EIF4ENIF1: variants seen among roughly 807,000 people sequenced by gnomAD.
EIF4ENIF1 encodes eukaryotic translation initiation factor 4E nuclear import factor 1.
Under a neutral mutation model 110.5 loss-of-function variants are expected in EIF4ENIF1, and 23 were observed. The ratio of observed to expected loss-of-function variants is 0.21; its 90% confidence interval spans 0.15 to 0.29. The LOEUF is 0.29. EIF4ENIF1 is among the 10% of genes least tolerant of loss of function. The pLI, the probability that EIF4ENIF1 is intolerant of heterozygous loss-of-function variation, is 1.00. For synonymous variants in EIF4ENIF1, 440 were observed against 437.0 expected (o/e 1.01, Z -0.09); for missense variants, 1,031 against 1,221.1 (o/e 0.84, Z 2.32).
At chr22:31,462,631 G>A (rs1271869484) in intron 6 of EIF4ENIF1, among the ~76,000 whole-genome samples, 1 of 152,122 alleles carries the variant, frequency 6.6e-6, no homozygotes, top group Non-Finnish European at 1.5e-5. Flanking sequence ...CTGTCACCCA[G>A]GCTGGAGTGC....
In EIF4ENIF1 at chr22:31,442,021, G is replaced by A; in HGVS notation, c.2304C>T (p.Ser768=). 1.9e-6 allele frequency: 3 copies of A among 1,614,170 alleles called. No individual in the cohort carries two copies. ...AACGGTTGGCCTGGGACAGTGGGGT[G>A]GAACACGAAGACCTCTGTAATGCTG... ...KLSALQRSSC[S]TPLSQANRYT... Residue 768 remains serine (S), a synonymous_variant, in exon 17 of 19, where the codon TCC becomes TCT. Coordinates refer to ENST00000330125, the MANE Select transcript of EIF4ENIF1 (RefSeq NM_019843.4).
intron 17 of EIF4ENIF1, among the ~76,000 whole-genome samples, chr22:31,441,405 C>T (rs564793664): frequency 8.7e-5 from 13 of 150,124 alleles, no homozygotes; most frequent in East Asian, 2.0e-4. Context: ...CCGGGTGTGG[C>T]GGCGTGCACC....
intron 7 of EIF4ENIF1, among the ~76,000 whole-genome samples, chr22:31,456,493 G>A (rs1181817849): frequency 1.3e-5 from 2 of 151,542 alleles, no homozygotes; most frequent in Non-Finnish European, 2.9e-5. Context: ...AAAGTGCTGG[G>A]ATTACAAGCA....
intron 2 of EIF4ENIF1, among the ~76,000 whole-genome samples, chr22:31,481,114 C>T (rs1214594703): frequency 1.3e-5 from 2 of 152,176 alleles, no homozygotes; most frequent in Non-Finnish European, 1.5e-5. Context: ...CCTGCTCTAA[C>T]AACTTCCAGT....
At chr22:31,489,493 G>T (rs866099132) in intron 1 of EIF4ENIF1, 1 of 148,854 alleles carries the variant, frequency 6.7e-6, no homozygotes, top group Non-Finnish European at 1.5e-5. Flanking sequence ...CCGGCCCGGC[G>T]GCTCGGTCCC....
intron 7 of EIF4ENIF1, 59 bp from the exon 8 acceptor site, chr22:31,456,046 A>G: frequency 6.4e-7 from 1 of 1,563,804 alleles, no homozygotes. Context: ...AAGAAGGTTT[A>G]AATCTTATGA....
chr22:31,491,073 G>A (rs750924619), upstream of EIF4ENIF1, among the ~76,000 whole-genome samples: 1 of 152,126 alleles, frequency 6.6e-6, no homozygotes, highest in African/African-American at 2.4e-5. Flanking sequence ...CATCAGGCCT[G>A]AGTTTGCATT....
chr22:31,489,568 G>C (rs1348202975), intron 1 of EIF4ENIF1, 126 bp downstream of exon 1: 2 of 138,234 alleles, frequency 1.4e-5, no homozygotes, highest in African/African-American at 5.5e-5. Flanking sequence ...CCCACCCCCT[G>C]CGGGCGCCCC....
At chr22:31,491,790 G>C (rs1444741156), upstream of EIF4ENIF1, among the ~76,000 whole-genome samples, 1 of 152,074 alleles carries the variant, frequency 6.6e-6, no homozygotes, top group Non-Finnish European at 1.5e-5. Flanking sequence ...TGATCCTCCT[G>C]CCTCAGCCTC....
chr22:31,490,165 G>A (rs2052217357), upstream of EIF4ENIF1, among the ~76,000 whole-genome samples: 1 of 152,234 alleles, frequency 6.6e-6, no homozygotes, highest in Non-Finnish European at 1.5e-5. Context: ...AGAGCGGACG[G>A]CACTTGGGAC....
At position 31,459,947 on chromosome 22, in the gene EIF4ENIF1, C is replaced by T. The variant is rs1830335230; in HGVS notation, c.788-1297G>A. ...TACCAATCTATCTCACTCCTGACTC[C>T]TGCACTTGATACAAGAATGGTTGAA... On this transcript the variant is annotated intron_variant, in intron 6 of 18. Transcript: ENST00000330125. Among the ~76,000 whole-genome samples the T allele has an allele frequency of 2.0e-5, 3 of 152,130 alleles. 1 individual carries two copies. The highest frequency in any genetic ancestry group is 2.0e-4 in the Admixed American group (3 of 15,270).
intron 6 of EIF4ENIF1, among the ~76,000 whole-genome samples, chr22:31,459,649 T>C (rs910615454): frequency 1.3e-5 from 2 of 152,234 alleles, no homozygotes; most frequent in Non-Finnish European, 2.9e-5. Context: ...TCTTACTCTG[T>C]AGTGCCAGGT....
At chr22:31,465,452 GA>G (rs1356113292) in intron 4 of EIF4ENIF1, among the ~76,000 whole-genome samples, 1 of 152,096 alleles carries the variant, frequency 6.6e-6, no homozygotes, top group African/African-American at 2.4e-5. Context: ...AGTCATTAGG[GA>G]AATGCAAATT....
At chr22:31,473,216 T>C (rs932994570) in intron 2 of EIF4ENIF1, among the ~76,000 whole-genome samples, 1 of 152,184 alleles carries the variant, frequency 6.6e-6, no homozygotes, top group African/African-American at 2.4e-5. Context: ...GAAAATGACC[T>C]GAGTGAACTA....
intron 2 of EIF4ENIF1, among the ~76,000 whole-genome samples, chr22:31,473,593 A>G (rs2051466216): frequency 6.6e-6 from 1 of 152,178 alleles, no homozygotes; most frequent in Non-Finnish European, 1.5e-5. Context: ...CTGTAAAAGA[A>G]CATTATTCAT....
chr22:31,438,991 A>G (rs2050215828), downstream of EIF4ENIF1, among the ~76,000 whole-genome samples: 1 of 152,192 alleles, frequency 6.6e-6, no homozygotes, highest in Non-Finnish European at 1.5e-5. Context: ...GAGTGCTGAG[A>G]TTACAGGCGT....
chr22:31,456,070 T>C (rs2050801905), intron 7 of EIF4ENIF1, 83 bp from the exon 8 acceptor site: 1 of 1,418,502 alleles, frequency 7.0e-7, no homozygotes, highest in African/African-American at 1.4e-5. Flanking sequence ...GGTCACTTAC[T>C]TTGAAACTTC....
At chr22:31,487,900 A>G (rs957857165) in intron 2 of EIF4ENIF1, among the ~76,000 whole-genome samples, 1 of 151,924 alleles carries the variant, frequency 6.6e-6, no homozygotes, top group Non-Finnish European at 1.5e-5. Flanking sequence ...CTGCTTCAAC[A>G]CTGTTGAGCA....
chr22:31,491,401 G>T (rs1368276339), upstream of EIF4ENIF1, among the ~76,000 whole-genome samples: 1 of 152,080 alleles, frequency 6.6e-6, no homozygotes, highest in East Asian at 1.9e-4. Context: ...AGTGGAGAAG[G>T]CCCGTTCTTT....
Sources: allele counts gnomAD v4.1 joint callset (sites outside exome capture counted in the v4.1 genomes callset), GRCh38; gene constraint gnomAD v4.1.1; transcripts MANE v1.5; gene names NCBI Gene and HGNC (gene_info 2026-07-23, HGNC 2026-07-21).